Variants in ZNF341 observed in about 807,000 individuals in gnomAD.
The protein encoded by ZNF341 is zinc finger protein 341.
Under a neutral mutation model 87.7 loss-of-function variants are expected in ZNF341, and 52 were observed. The observed-to-expected ratio is 0.59, with a 90% CI of 0.47 to 0.75. The LOEUF (loss-of-function observed/expected upper bound fraction) is 0.75. ZNF341 is among the 30% of genes least tolerant of loss of function. The probability of loss-of-function intolerance (pLI) is 0.00; values close to 1 mark genes in which losing one functional copy is unlikely to be tolerated. For synonymous variants in ZNF341, 459 were observed against 472.7 expected, an observed-to-expected ratio of 0.97 and a Z score of 0.38; for missense variants, 977 against 1,145.9, an observed-to-expected ratio of 0.85 and a Z score of 2.13.
intron 10 of ZNF341, among the ~76,000 whole-genome samples, chr20:33,775,977 G>A (rs1400918593): frequency 1.3e-5 from 2 of 152,086 alleles, no homozygotes; most frequent in Admixed American, 6.6e-5. Flanking sequence ...TAGGATTACA[G>A]GCATAAGCCA....
intron 5 of ZNF341, among the ~76,000 whole-genome samples, chr20:33,754,038 G>A (rs1170407942): frequency 6.6e-6 from 1 of 152,154 alleles, no homozygotes; most frequent in Non-Finnish European, 1.5e-5. Context: ...TCATGGCCAT[G>A]GTGGAGGTGC....
chr20:33,782,733 C>A (rs2019769534), intron 11 of ZNF341, among the ~76,000 whole-genome samples: 2 of 152,216 alleles, frequency 1.3e-5, no homozygotes, highest in African/African-American at 2.4e-5. Context: ...AGCAGTGGGG[C>A]AGCTGGGTCT....
At chr20:33,776,124 G>T (rs1291791674) in intron 10 of ZNF341, among the ~76,000 whole-genome samples, 2 of 151,792 alleles carry the variant, frequency 1.3e-5, no homozygotes, top group Non-Finnish European at 2.9e-5. Flanking sequence ...CATCACCAAG[G>T]CTGGAAAGCA....
At chr20:33,780,533 G>A (rs892921371) in intron 10 of ZNF341, among the ~76,000 whole-genome samples, 1 of 151,734 alleles carries the variant, frequency 6.6e-6, no homozygotes, top group Non-Finnish European at 1.5e-5. Flanking sequence ...TCAGTCTCCT[G>A]AGTAGCTGGG....
At chr20:33,745,582 G>T (rs1458508747) in intron 3 of ZNF341, among the ~76,000 whole-genome samples, 2 of 151,988 alleles carry the variant, frequency 1.3e-5, no homozygotes, top group South Asian at 4.1e-4. Context: ...GCAGGTAAAA[G>T]GTTTTGTATG....
At chr20:33,749,104 G>C (rs759808358) in intron 4 of ZNF341, 32 bp downstream of exon 4, 1 of 1,603,762 alleles carries the variant, frequency 6.2e-7, no homozygotes, top group Non-Finnish European at 8.5e-7. Flanking sequence ...ACAGGGTCTT[G>C]ATTCCAGACC....
At chr20:33,752,165 G>A (rs146820637) in intron 4 of ZNF341, 6 of 509,012 alleles carry the variant, frequency 1.2e-5, no homozygotes, top group African/African-American at 7.9e-5. Context: ...GATGATCAGC[G>A]ATTAGTTCTC....
rs1190363842 is a variant in ZNF341 at position 33,753,166 on chromosome 20, T to C, written c.490-6T>C. 6.2e-7 allele frequency: 1 copy of C among 1,612,058 alleles called. No individual in the cohort carries two copies. Among genetic ancestry groups the C allele is most frequent in the Non-Finnish European group, 8.5e-7 (1 of 1,180,024 alleles). On this transcript the variant is annotated splice_region_variant and splice_polypyrimidine_tract_variant and intron_variant, in intron 4 of 14. Transcript: ENST00000375200. ...GGCTATAACACTTTTTCTTTTCTGA[T>C]TTCAGAGCAGCCTGAACATGCATTC...
chr20:33,786,388 T>C (rs917140338), intron 12 of ZNF341, among the ~76,000 whole-genome samples: 14 of 152,316 alleles, frequency 9.2e-5, no homozygotes, highest in African/African-American at 3.4e-4. Flanking sequence ...TTTGGAAGTG[T>C]ATCTGTAGTG....
intron 6 of ZNF341, 52 bp from the exon 7 acceptor site, chr20:33,758,664 C>A (rs2019230057): frequency 1.4e-6 from 2 of 1,475,276 alleles, no homozygotes; most frequent in African/African-American, 2.8e-5. Flanking sequence ...GCCCTTGGTG[C>A]CCTGAGCTGC....
chr20:33,751,089 A>G (rs2019045322), intron 4 of ZNF341, among the ~76,000 whole-genome samples: 1 of 152,134 alleles, frequency 6.6e-6, no homozygotes, highest in South Asian at 2.1e-4. Flanking sequence ...CATCATTTTA[A>G]CAACTGCAAA....
chr20:33,782,090 G>A (rs2019759535), intron 11 of ZNF341, among the ~76,000 whole-genome samples: 1 of 152,164 alleles, frequency 6.6e-6, no homozygotes, highest in African/African-American at 2.4e-5. Context: ...TTACAGGTAT[G>A]AGCCATCATG....
At chr20:33,786,269 G>T (rs1056437809) in intron 12 of ZNF341, among the ~76,000 whole-genome samples, 4 of 152,092 alleles carry the variant, frequency 2.6e-5, no homozygotes, top group African/African-American at 7.2e-5. Flanking sequence ...CTCCCAAAGT[G>T]CTGGGATTAC....
intron 1 of ZNF341, among the ~76,000 whole-genome samples, chr20:33,740,449 A>G (rs1243873532): frequency 6.6e-6 from 1 of 152,152 alleles, no homozygotes; most frequent in Non-Finnish European, 1.5e-5. Context: ...CTCTCTCACA[A>G]TGGAAATAGA....
chr20:33,767,397 T>TG (rs398121291), intron 9 of ZNF341, among the ~76,000 whole-genome samples: 5 of 151,274 alleles, frequency 3.3e-5, no homozygotes, highest in Non-Finnish European at 7.4e-5. Flanking sequence ...TTTTTTTTTT[T>TG]GAGACGGTTT....
intron 9 of ZNF341, among the ~76,000 whole-genome samples, chr20:33,768,157 C>G (rs2019448272): frequency 1.3e-5 from 2 of 151,892 alleles, no homozygotes; most frequent in Non-Finnish European, 2.9e-5. Context: ...CAGTCTCACT[C>G]TGTCGCCCAG....
rs1269336297 is a variant in ZNF341 at position 33,791,248 on chromosome 20, C to T, written c.2296C>T (p.Pro766Ser). The T allele has an allele frequency of 6.2e-7, 1 of 1,612,048 alleles. No homozygotes were observed. The highest frequency in any genetic ancestry group is 8.5e-7 in the Non-Finnish European group (1 of 1,179,572). ...CGSGGRKVLT[P>S]LPDPLGLEEL... Reference sequence around the variant, plus strand: ...CAGTGGTGGGCGCAAGGTGCTGACCCCCTTGCCTGACCCGCTGGGGCTGGA... The same window carrying T: ...CAGTGGTGGGCGCAAGGTGCTGACCTCCTTGCCTGACCCGCTGGGGCTGGA... The change falls in exon 15 of 15, where the codon CCC becomes TCC. Residue 766 changes from proline to serine, a missense_variant. Pro to Ser is a moderately conservative substitution (Grantham distance 74). Around this residue, in one of 3 missense-constraint regions of ZNF341, gnomAD observed 221 missense variants for 212.7 expected, o/e 1.04. Transcript: ENST00000375200.
In ZNF341 at chr20:33,791,082, G is replaced by C. The variant is rs750476294; in HGVS notation, c.2130G>C (p.Lys710Asn). The change falls in exon 15 of 15, where the codon AAG (lysine) becomes AAC (asparagine). Residue 710 changes from lysine to asparagine, a missense_variant. Coordinates refer to ENST00000375200, the MANE Select transcript of ZNF341 (RefSeq NM_001282933.2). ...EHQRAHTGNY[K>N]FRCAGCAKGF... is the part of the protein sequence containing the mutation. ...AGCGCGCCCACACGGGCAACTACAA[G>C]TTCCGCTGTGCTGGCTGCGCCAAGG... is the stretch of plus-strand genomic sequence containing the variant. The C allele has an allele frequency of 1.2e-6, 2 of 1,613,230 alleles. No individual in the cohort carries two copies. Among genetic ancestry groups the C allele is most frequent in the Non-Finnish European group, 1.7e-6 (2 of 1,180,020 alleles).
In ZNF341 at chr20:33,732,125, C is replaced by T; in HGVS notation, c.31+73C>T. 1 of 1,042,116 alleles carries T rather than the reference C, an allele frequency of 9.6e-7. No homozygotes were observed. 64.6% of individuals were successfully genotyped at this position (1,042,116 alleles called of 1,614,324 possible). On this transcript the variant is annotated intron_variant, in intron 1 of 14. Transcript: ENST00000375200. The surrounding 1 kb of genome is among the most constrained non-coding windows in gnomAD (Gnocchi z 4.5). ...CCTCCCGCCGCGCCCTCGCAGCGCC[C>T]GGCCTAGGGCGCGCAGCGGCCGCGG...
Sources: gnomAD v4.1 joint callset for allele counts (sites outside exome capture counted in the v4.1 genomes callset) on GRCh38, gnomAD v4.1.1 for gene constraint, gnomAD v4.1.1 regional missense constraint, Gnocchi (gnomAD v3.1) non-coding constraint, MANE v1.5 for transcripts, NCBI Gene and HGNC (gene_info 2026-07-23, HGNC 2026-07-21) for gene names.